Variants in ZC3H12B observed in about 807,000 individuals in gnomAD.
ZC3H12B encodes zinc finger CCCH-type containing 12B, also known as probable ribonuclease ZC3H12B.
ZC3H12B carries 7 observed loss-of-function variants against 43.9 expected under a neutral mutation model. That is an observed-to-expected ratio of 0.16 (90% CI 0.09 to 0.30). The LOEUF is 0.30. Ranked by LOEUF, ZC3H12B falls within the 10% of genes least tolerant of loss-of-function variation. The pLI is 1.00. For synonymous variants in ZC3H12B, 222 were observed against 241.7 expected (o/e 0.92, Z 0.76); for missense variants, 475 against 670.2 (o/e 0.71, Z 3.22).
the ZC3H12B span, chrX:65,186,622 G>A: frequency 1.8e-5 from 2 of 108,656 alleles, no homozygotes; most frequent in African/African-American, 6.7e-5. Flanking sequence ...CTGAGAATTT[G>A]GTGCACCCAT....
chrX:65,117,475 G>A, the ZC3H12B span, among the ~76,000 whole-genome samples: 26 of 111,674 alleles, frequency 2.3e-4, no homozygotes, highest in African/African-American at 8.1e-4. Flanking sequence ...TTTGTCAGAT[G>A]GGTAGATTGT....
the ZC3H12B span, among the ~76,000 whole-genome samples, chrX:65,165,890 G>A: frequency 2.7e-5 from 3 of 111,968 alleles, no homozygotes; most frequent in African/African-American, 9.7e-5. Context: ...CACAAAGGTT[G>A]ATCTAATTTA....
intron 2 of ZC3H12B, among the ~76,000 whole-genome samples, chrX:65,397,158 C>T (rs964119893): frequency 4.5e-5 from 5 of 111,677 alleles, no homozygotes; most frequent in Non-Finnish European, 9.4e-5. Flanking sequence ...TCCAACTTGC[C>T]AGTCTGTGTC....
At position 65,425,011 on chromosome X, in the gene ZC3H12B, G is replaced by A. The variant is rs1329673483; in HGVS notation, n.407+26307G>A. Among the ~76,000 whole-genome samples the A allele has an allele frequency of 8.1e-5, 9 of 111,795 alleles. No individual in the cohort carries two copies. The East Asian group carries it at 2.0e-3, about 24-fold the overall frequency. On this transcript the variant is annotated intron_variant and non_coding_transcript_variant, in intron 3 of 5. Coordinates refer to the ZC3H12B transcript ENST00000617377. ...TTCTAATTCAGTGAAGAATGTCAAT[G>A]GTAGTTTAATGGGAATAGCATTGAC...
At chrX:65,262,649 C>T in the ZC3H12B span, among the ~76,000 whole-genome samples, 1 of 110,425 alleles carries the variant, frequency 9.1e-6, no homozygotes, top group Non-Finnish European at 1.9e-5. Flanking sequence ...ATTCTCACAA[C>T]ATTGGAATAT....
At chrX:65,503,301 G>A (rs1237987938) in exon 5 of ZC3H12B, 9 of 821,131 alleles carry the variant, frequency 1.1e-5, no homozygotes, top group Non-Finnish European at 1.3e-5. Context: ...AATTTGTGTT[G>A]CGCTTTACAA....
At chrX:65,334,505 C>T in the ZC3H12B span, among the ~76,000 whole-genome samples, 1 of 112,115 alleles carries the variant, frequency 8.9e-6, no homozygotes, top group Non-Finnish European at 1.9e-5. Context: ...TCAAAGATTA[C>T]TTAAGTCATG....
At chrX:65,281,165 A>G in the ZC3H12B span, among the ~76,000 whole-genome samples, 1 of 111,197 alleles carries the variant, frequency 9.0e-6, no homozygotes, top group Non-Finnish European at 1.9e-5. Flanking sequence ...TGGCATTAAA[A>G]AAGACATATA....
At chrX:65,390,398 G>A (rs765304221) in intron 2 of ZC3H12B, among the ~76,000 whole-genome samples, 1 of 109,993 alleles carries the variant, frequency 9.1e-6, no homozygotes, top group Non-Finnish European at 1.9e-5. Context: ...AGAACTTAAA[G>A]TATAATTTAA....
chrX:65,156,537 C>T, the ZC3H12B span, among the ~76,000 whole-genome samples: 1 of 111,164 alleles, frequency 9.0e-6, no homozygotes, highest in East Asian at 2.8e-4. Context: ...TCTGTCACCA[C>T]GCCTGGCTAA....
the ZC3H12B span, among the ~76,000 whole-genome samples, chrX:65,078,361 G>A: frequency 8.9e-6 from 1 of 112,200 alleles, no homozygotes; most frequent in South Asian, 3.7e-4. Context: ...ATGAGTCCAA[G>A]GACCAGCTCT....
intron 3 of ZC3H12B, among the ~76,000 whole-genome samples, chrX:65,453,305 A>G (rs2067546366): frequency 1.0e-5 from 1 of 97,363 alleles, no homozygotes; most frequent in Non-Finnish European, 2.1e-5. Context: ...ACACATGTTT[A>G]TAGGCGCACA....
At chrX:65,490,312 T>C (rs2068186156) in intron 1 of ZC3H12B, among the ~76,000 whole-genome samples, 1 of 96,228 alleles carries the variant, frequency 1.0e-5, no homozygotes, top group Admixed American at 1.3e-4. Flanking sequence ...GAAGATGGAG[T>C]GACGTAAGAA....
At chrX:65,188,499 A>G in the ZC3H12B span, among the ~76,000 whole-genome samples, 1 of 109,478 alleles carries the variant, frequency 9.1e-6, no homozygotes, top group African/African-American at 3.3e-5. Context: ...TCTTTTGAAT[A>G]TAGGCCATTT....
chrX:65,493,249 A>G (rs2068230473), intron 1 of ZC3H12B, among the ~76,000 whole-genome samples: 2 of 110,664 alleles, frequency 1.8e-5, no homozygotes, highest in Admixed American at 1.9e-4. Flanking sequence ...TCTACTAAAA[A>G]TACAAAAATT....
the ZC3H12B span, among the ~76,000 whole-genome samples, chrX:65,087,866 A>G: frequency 8.9e-6 from 1 of 112,323 alleles, no homozygotes; most frequent in Non-Finnish European, 1.9e-5. Flanking sequence ...GAGTTGAAAC[A>G]CATTGGTTGG....
At chrX:65,077,173 G>A in the ZC3H12B span, among the ~76,000 whole-genome samples, 1 of 111,633 alleles carries the variant, frequency 9.0e-6, no homozygotes, top group South Asian at 3.8e-4. Flanking sequence ...TGGTGCTGCA[G>A]CACCCATTTA....
At chrX:65,450,083 G>A (rs921763632) in intron 3 of ZC3H12B, among the ~76,000 whole-genome samples, 4 of 108,622 alleles carry the variant, frequency 3.7e-5, no homozygotes, top group Non-Finnish European at 5.7e-5. Context: ...GAGGAGGGTA[G>A]ATCGTGAGGT....
intron 3 of ZC3H12B, among the ~76,000 whole-genome samples, chrX:65,458,657 C>T (rs1386381708): frequency 8.9e-6 from 1 of 111,917 alleles, no homozygotes; most frequent in Non-Finnish European, 1.9e-5. Context: ...TTCTTTGAAA[C>T]CAATGAGAAC....
Sources: gnomAD v4.1 joint callset for allele counts (sites outside exome capture counted in the v4.1 genomes callset) on GRCh38, gnomAD v4.1.1 for gene constraint, MANE v1.5 for transcripts, NCBI Gene and HGNC (gene_info 2026-07-23, HGNC 2026-07-21) for gene names.